The following RALGAPA2 variants were observed in gnomAD, a reference collection of about 807,000 sequenced individuals.
RALGAPA2 encodes the protein Ral GTPase activating protein catalytic subunit alpha 2.
Under a neutral mutation model 230.4 loss-of-function variants are expected in RALGAPA2, and 139 were observed. The observed-to-expected ratio is 0.60, with a 90% CI of 0.53 to 0.69. The LOEUF (loss-of-function observed/expected upper bound fraction) is 0.69. Ranked by LOEUF, RALGAPA2 falls within the 30% of genes least tolerant of loss-of-function variation. The pLI is 0.00. For missense variants in RALGAPA2, 2,163 were observed against 2,276.0 expected, an observed-to-expected ratio of 0.95 and a Z score of 1.01; for synonymous variants, 847 against 837.8, an observed-to-expected ratio of 1.01 and a Z score of -0.19.
At chr20:20,711,499 T>G (rs1165303195) in intron 1 of RALGAPA2, among the ~76,000 whole-genome samples, 2 of 151,946 alleles carry the variant, frequency 1.3e-5, no homozygotes, top group Non-Finnish European at 2.9e-5. Context: ...AAACAAAACA[T>G]AGCCTAGGCG....
chr20:20,415,800 C>A (rs151183837), intron 37 of RALGAPA2, among the ~76,000 whole-genome samples: 1 of 152,278 alleles, frequency 6.6e-6, no homozygotes, highest in Non-Finnish European at 1.5e-5. Flanking sequence ...TACATTTTAT[C>A]AAAAATTTCC....
chr20:20,485,601 T>A (rs1182161061), intron 36 of RALGAPA2, among the ~76,000 whole-genome samples: 1 of 152,242 alleles, frequency 6.6e-6, no homozygotes, highest in Non-Finnish European at 1.5e-5. Context: ...TATAATTCTT[T>A]TAAAAACATT....
intron 16 of RALGAPA2, among the ~76,000 whole-genome samples, chr20:20,601,283 C>A (rs2065643265): frequency 6.6e-6 from 1 of 152,248 alleles, no homozygotes; most frequent in East Asian, 1.9e-4. Flanking sequence ...AAATGTCTAT[C>A]CAGTCCTGAA....
At chr20:20,414,534 C>A (rs2060128437) in intron 37 of RALGAPA2, among the ~76,000 whole-genome samples, 1 of 152,100 alleles carries the variant, frequency 6.6e-6, no homozygotes, top group South Asian at 2.1e-4. Flanking sequence ...CAGACGGCAG[C>A]CCACCGTCCC....
At chr20:20,458,552 TTA>T (rs2061192092) in intron 37 of RALGAPA2, among the ~76,000 whole-genome samples, 1 of 134,040 alleles carries the variant, frequency 7.5e-6, no homozygotes, top group African/African-American at 2.9e-5. Flanking sequence ...TATATGTATT[TTA>T]TATATATTAT....
chr20:20,637,578 T>C (rs957856680), intron 7 of RALGAPA2, 77 bp from the exon 8 acceptor site: 42 of 1,287,868 alleles, frequency 3.3e-5, no homozygotes, highest in Non-Finnish European at 4.4e-5. Flanking sequence ...AGTGTTGTTA[T>C]GTTACTAAAA....
chr20:20,568,599 T>A (rs1219171118), intron 23 of RALGAPA2, among the ~76,000 whole-genome samples: 1 of 152,254 alleles, frequency 6.6e-6, no homozygotes, highest in African/African-American at 2.4e-5. Flanking sequence ...TCAATTACTA[T>A]GAACATCATT....
intron 12 of RALGAPA2, among the ~76,000 whole-genome samples, chr20:20,617,573 T>A (rs545713418): frequency 2.3e-4 from 35 of 152,342 alleles, no homozygotes; most frequent in African/African-American, 7.0e-4. Flanking sequence ...ATTAAAAACT[T>A]TTTGCACATT....
At chr20:20,600,451 G>A (rs1377337971) in intron 16 of RALGAPA2, among the ~76,000 whole-genome samples, 1 of 152,194 alleles carries the variant, frequency 6.6e-6, no homozygotes, top group African/African-American at 2.4e-5. Context: ...AAGAAAGAAA[G>A]AAGCAGAATA....
intron 4 of RALGAPA2, among the ~76,000 whole-genome samples, chr20:20,651,323 GTTTGAC>G (rs1264642828): frequency 6.6e-6 from 1 of 152,176 alleles, no homozygotes; most frequent in African/African-American, 2.4e-5. Context: ...AAAAGAGCCT[GTTTGAC>G]TTTAAGTATA....
intron 39 of RALGAPA2, 49 bp downstream of exon 39, chr20:20,396,646 C>G: frequency 6.5e-7 from 1 of 1,539,630 alleles, no homozygotes. Flanking sequence ...GTCCCACCCC[C>G]TCCCCAAAGC....
At chr20:20,635,230 G>T in intron 9 of RALGAPA2, 188 bp downstream of exon 9, 1 of 636,906 alleles carries the variant, frequency 1.6e-6, no homozygotes, top group Non-Finnish European at 2.7e-6. Context: ...ACAATGCACA[G>T]CAAGTGATTC....
intron 20 of RALGAPA2, among the ~76,000 whole-genome samples, chr20:20,576,663 T>C (rs2064828652): frequency 6.6e-6 from 1 of 152,150 alleles, no homozygotes; most frequent in Non-Finnish European, 1.5e-5. Flanking sequence ...CAAGGTAACA[T>C]AAGGTAGATA....
chr20:20,702,988 C>T (rs1055675637), intron 1 of RALGAPA2, among the ~76,000 whole-genome samples: 45 of 151,986 alleles, frequency 3.0e-4, no homozygotes, highest in Admixed American at 2.6e-3. Flanking sequence ...GCATAGCCAA[C>T]GTGGCAAAAC....
chr20:20,597,307 A>C (rs2065485323), intron 16 of RALGAPA2, among the ~76,000 whole-genome samples: 1 of 152,230 alleles, frequency 6.6e-6, no homozygotes, highest in South Asian at 2.1e-4. Flanking sequence ...ATAATTGGGC[A>C]GTTAAAACTC....
At chr20:20,500,931 A>G (rs973492912) in intron 35 of RALGAPA2, among the ~76,000 whole-genome samples, 2 of 152,242 alleles carry the variant, frequency 1.3e-5, no homozygotes, top group South Asian at 2.1e-4. Flanking sequence ...GATGAGGTAC[A>G]TTGTCAATGA....
intron 2 of RALGAPA2, among the ~76,000 whole-genome samples, chr20:20,678,976 C>T (rs987123214): frequency 6.6e-6 from 1 of 152,178 alleles, no homozygotes; most frequent in Non-Finnish European, 1.5e-5. Flanking sequence ...TTTCCTGGTA[C>T]CCCTCCTACT....
At chr20:20,422,274 G>A (rs905143029) in intron 37 of RALGAPA2, among the ~76,000 whole-genome samples, 3 of 152,124 alleles carry the variant, frequency 2.0e-5, no homozygotes, top group Non-Finnish European at 2.9e-5. Flanking sequence ...AAGGGTGAAC[G>A]CTATGGTCTG....
intron 13 of RALGAPA2, among the ~76,000 whole-genome samples, chr20:20,613,174 T>C (rs2066026030): frequency 6.6e-6 from 1 of 152,248 alleles, no homozygotes; most frequent in Admixed American, 6.5e-5. Flanking sequence ...GCTGCCAGTT[T>C]TGACAACTGC....
Sources: gnomAD v4.1 joint callset for allele counts (sites outside exome capture counted in the v4.1 genomes callset) on GRCh38, gnomAD v4.1.1 for gene constraint, MANE v1.5 for transcripts, NCBI Gene and HGNC (gene_info 2026-07-23, HGNC 2026-07-21) for gene names.